The following GARNL3 variants were observed in gnomAD, a reference collection of about 807,000 sequenced individuals.
The protein encoded by GARNL3 is GTPase activating Rap/RanGAP domain like 3, also known as GTPase-activating Rap/Ran-GAP domain-like protein 3.
Under a neutral mutation model 125.0 loss-of-function variants are expected in GARNL3, and 63 were observed. The ratio of observed to expected loss-of-function variants is 0.50; its 90% CI spans 0.41 to 0.62. The LOEUF (loss-of-function observed/expected upper bound fraction) is 0.62, where lower values mean the gene tolerates loss of function less well. Among genes scored for constraint, GARNL3 ranks in the 20% least tolerant of loss-of-function variants. GARNL3 has a pLI of 0.00. For missense variants in GARNL3, 994 were observed against 1,244.0 expected, an observed-to-expected ratio of 0.80 and a Z score of 3.02; for synonymous variants, 439 against 457.5, an observed-to-expected ratio of 0.96 and a Z score of 0.52.
chr9:127,254,614 C>A (rs2063463963), intron 2 of GARNL3, among the ~76,000 whole-genome samples: 1 of 151,904 alleles, frequency 6.6e-6, no homozygotes, highest in Non-Finnish European at 1.5e-5. Context: ...ACTAAAAATA[C>A]AAAAATTAAC....
chr9:127,333,161 A>T, intron 9 of GARNL3, 40 bp downstream of exon 9: 4 of 1,516,858 alleles, frequency 2.6e-6, no homozygotes, highest in South Asian at 1.1e-5. Flanking sequence ...TAATTTGTAT[A>T]ACTTTTGTAA....
At chr9:127,323,052 AG>A (rs926939394) in intron 6 of GARNL3, among the ~76,000 whole-genome samples, 14 of 152,248 alleles carry the variant, frequency 9.2e-5, no homozygotes, top group Admixed American at 3.3e-4. Context: ...AGGTTTAAAA[AG>A]TGTATGTAAA....
Position 127,354,375 on chromosome 9 carries a change from C to T in GARNL3, c.1724C>T (p.Ser575Phe). ...GGGAAGCAGGCTGGGAAGAGCAGGT[C>T]TGACTGCAGAGAAAACAAGTTGGAG... is the stretch of plus-strand genomic sequence containing the variant. Reference protein sequence around the residue: ...LEGKQAGKSRSDCRENKLEKT... With the variant: ...LEGKQAGKSRFDCRENKLEKT... Residue 575 changes from serine (S) to phenylalanine (F), a missense_variant, in exon 19 of 28, where the codon TCT (serine) becomes TTT (phenylalanine). By Grantham distance (155) the Ser-to-Phe change is radical (BLOSUM62 -2). Around this residue, in one of 5 missense-constraint regions of GARNL3, gnomAD observed 728 missense variants for 865.7 expected, o/e 0.84. Coordinates refer to ENST00000373387, the MANE Select transcript of GARNL3 (RefSeq NM_032293.5). 1 of 1,612,884 alleles carries T rather than the reference C, an allele frequency of 6.2e-7. No individual in the cohort carries two copies. Among genetic ancestry groups the T allele is most frequent in the Non-Finnish European group, 8.5e-7 (1 of 1,179,174 alleles).
chr9:127,303,076 G>A (rs1051101350), intron 2 of GARNL3, among the ~76,000 whole-genome samples: 3 of 152,200 alleles, frequency 2.0e-5, no homozygotes, highest in South Asian at 4.1e-4. Flanking sequence ...GCGTGAACCC[G>A]GGAGGCAGAG....
intron 1 of GARNL3, among the ~76,000 whole-genome samples, chr9:127,271,163 G>A (rs1267485657): frequency 1.3e-5 from 2 of 150,182 alleles, no homozygotes; most frequent in Non-Finnish European, 2.9e-5. Context: ...TTCATATAGC[G>A]AGAATTTAAA....
chr9:127,317,955 G>A, intron 4 of GARNL3, 108 bp from the exon 5 acceptor site: 1 of 773,234 alleles, frequency 1.3e-6, no homozygotes, highest in Non-Finnish European at 2.4e-6. Flanking sequence ...TCCCCTTGAG[G>A]AGAAAGAAGA....
At chr9:127,372,078 G>A (rs1410947864) in intron 22 of GARNL3, among the ~76,000 whole-genome samples, 2 of 152,176 alleles carry the variant, frequency 1.3e-5, no homozygotes, top group Non-Finnish European at 1.5e-5. Flanking sequence ...GATGACAGGT[G>A]CATGCCACCA....
At position 127,393,309 on chromosome 9, in the gene GARNL3, T is replaced by C; in HGVS notation, c.*55T>C. On this transcript the variant is annotated 3_prime_UTR_variant, in exon 28 of 28. Coordinates refer to ENST00000373387, the MANE Select transcript of GARNL3 (RefSeq NM_032293.5). ...TTTTCTTATGGAGGTTTATACTCTT[T>C]AAACAGTTCTGATGTAATTTCTCAA... 6.7e-7 allele frequency: 1 copy of C among 1,489,022 alleles called. No homozygotes were observed. The highest frequency in any genetic ancestry group is 1.2e-5 in the South Asian group (1 of 83,610). 92.2% of individuals were successfully genotyped at this position (1,489,022 alleles called of 1,614,324 possible).
chr9:127,342,439 C>G, intron 14 of GARNL3, 105 bp downstream of exon 14: 1 of 740,452 alleles, frequency 1.4e-6, no homozygotes, highest in Non-Finnish European at 2.4e-6. Flanking sequence ...GTAGGAGGCG[C>G]CTTGATCCTT....
intron 2 of GARNL3, among the ~76,000 whole-genome samples, 169 bp from the exon 3 acceptor site, chr9:127,311,467 C>T (rs10513481): frequency 0.13 from 20,440 of 152,190 alleles, 1,766 homozygotes; most frequent in East Asian, 0.21. Context: ...GATGCTTCCA[C>T]GATGTGAATT....
intron 6 of GARNL3, among the ~76,000 whole-genome samples, chr9:127,323,762 AAT>A (rs1344647968): frequency 1.3e-5 from 2 of 151,428 alleles, no homozygotes; most frequent in South Asian, 2.1e-4. Flanking sequence ...CCCCCCCATA[AAT>A]ATATATATAT....
chr9:127,292,151 A>G (rs1310337825), intron 2 of GARNL3, among the ~76,000 whole-genome samples: 2 of 152,136 alleles, frequency 1.3e-5, no homozygotes, highest in African/African-American at 4.8e-5. Context: ...AAAGCCCATG[A>G]CATTTGGGAA....
intron 22 of GARNL3, among the ~76,000 whole-genome samples, chr9:127,377,828 A>C (rs1292094609): frequency 6.6e-6 from 1 of 151,898 alleles, no homozygotes; most frequent in Non-Finnish European, 1.5e-5. Flanking sequence ...GAATCCATGA[A>C]CAAAGTTTGA....
At chr9:127,308,995 T>C (rs2065027023) in intron 2 of GARNL3, among the ~76,000 whole-genome samples, 1 of 152,236 alleles carries the variant, frequency 6.6e-6, no homozygotes, top group African/African-American at 2.4e-5. Context: ...GCTCTTATTC[T>C]TGCAGCTTTT....
Position 127,383,537 on chromosome 9 carries a change from A to G in GARNL3, c.2261A>G (p.Tyr754Cys), listed in dbSNP as rs1316136785. 1.4e-5 allele frequency: 23 copies of G among 1,607,316 alleles called. No homozygotes were observed. Among genetic ancestry groups the G allele is most frequent in the Non-Finnish European group, 1.7e-5 (20 of 1,175,704 alleles). Residue 754 changes from tyrosine to cysteine, a missense_variant, in exon 23 of 28, where the codon TAT becomes TGT. Tyr to Cys is a radical substitution (Grantham distance 194). Coordinates refer to ENST00000373387, the MANE Select transcript of GARNL3 (RefSeq NM_032293.5). ...DFQFCWNQAP[Y>C]AIVCAFPYLL... is the part of the protein sequence containing the mutation. ...CAGTTCTGTTGGAACCAGGCTCCCT[A>G]TGCAATTGGTAAGAAAAGTCTTTAT... is the stretch of plus-strand genomic sequence containing the variant.
At chr9:127,239,814 G>C (rs1040772950) in intron 1 of GARNL3, among the ~76,000 whole-genome samples, 1 of 152,112 alleles carries the variant, frequency 6.6e-6, no homozygotes, top group Non-Finnish European at 1.5e-5. Context: ...TTAGAAGTCA[G>C]AGAATTTGAT....
intron 1 of GARNL3, among the ~76,000 whole-genome samples, chr9:127,274,104 G>C (rs1261907165): frequency 6.6e-6 from 1 of 152,132 alleles, no homozygotes; most frequent in African/African-American, 2.4e-5. Context: ...AAGTATTTCT[G>C]TATCTAGCCG....
At chr9:127,321,206 T>A (rs1359699017) in intron 6 of GARNL3, among the ~76,000 whole-genome samples, 7 of 152,190 alleles carry the variant, frequency 4.6e-5, no homozygotes, top group Non-Finnish European at 1.0e-4. Context: ...CGATCTCAGC[T>A]CACTGCAACC....
intron 16 of GARNL3, 145 bp downstream of exon 16, chr9:127,345,622 T>A (rs1179815116): frequency 1.9e-6 from 1 of 536,280 alleles, no homozygotes; most frequent in African/African-American, 2.0e-5. Flanking sequence ...TAGATAAAAC[T>A]GAGTGGCCAT....
Sources: allele counts gnomAD v4.1 joint callset (sites outside exome capture counted in the v4.1 genomes callset), GRCh38; gene constraint gnomAD v4.1.1; regional missense constraint gnomAD v4.1.1; transcripts MANE v1.5; gene names NCBI Gene and HGNC (gene_info 2026-07-23, HGNC 2026-07-21).